The following AKAP9 variants were observed in gnomAD, a reference collection of about 807,000 sequenced individuals.
AKAP9 encodes A-kinase anchoring protein 9.
A neutral mutation model predicts 488.5 loss-of-function variants in AKAP9; 311 were observed. That is an observed-to-expected ratio of 0.64 (90% confidence interval 0.58 to 0.70). The LOEUF (loss-of-function observed/expected upper bound fraction) is 0.70. Ranked by LOEUF, AKAP9 falls within the 30% of genes least tolerant of loss-of-function variation. AKAP9 has a pLI of 0.00. For missense variants in AKAP9, 4,215 were observed against 4,374.5 expected (o/e 0.96, Z 1.03); for synonymous variants, 1,462 against 1,483.5 (o/e 0.99, Z 0.33).
At position 92,062,306 on chromosome 7, in the gene AKAP9, CT is replaced by C; in HGVS notation, c.5802del (p.Phe1934LeufsTer11). 6.2e-7 allele frequency: 1 copy of C among 1,613,624 alleles called. No individual in the cohort carries two copies. Among genetic ancestry groups the C allele is most frequent in the Non-Finnish European group, 8.5e-7 (1 of 1,179,704 alleles). ...TGATGGCTATGCAGATGAAAAAACT[CT>C]TTTTGAAAGGCAAATTCAGGAAAAA... ...VIDGYADEKT[L>X]FERQIQEKTD... is the part of the protein sequence containing the mutation. On this transcript the variant is annotated frameshift_variant, in exon 24 of 50. Transcript: ENST00000356239. LOFTEE classifies it high-confidence loss of function.
At chr7:92,004,249 C>G (rs963050813) in intron 8 of AKAP9, among the ~76,000 whole-genome samples, 1 of 152,180 alleles carries the variant, frequency 6.6e-6, no homozygotes, top group Non-Finnish European at 1.5e-5. Context: ...ATGCCTCCAG[C>G]TTTGTTCTCT....
intron 16 of AKAP9, among the ~76,000 whole-genome samples, chr7:92,035,221 G>A (rs1037232877): frequency 6.6e-6 from 1 of 152,138 alleles, no homozygotes; most frequent in African/African-American, 2.4e-5. Context: ...TGATTCATGG[G>A]TTATTTAGAA....
chr7:92,072,057 A>G (rs1343157235), intron 28 of AKAP9, among the ~76,000 whole-genome samples: 3 of 152,190 alleles, frequency 2.0e-5, no homozygotes, highest in Admixed American at 6.5e-5. Flanking sequence ...GATTTCCCTT[A>G]AACTGAGTAA....
intron 1 of AKAP9, among the ~76,000 whole-genome samples, chr7:91,958,357 C>T (rs1159514272): frequency 6.6e-6 from 1 of 152,140 alleles, no homozygotes; most frequent in African/African-American, 2.4e-5. Context: ...TTTGGGCATT[C>T]TCCTTTACAT....
At position 92,079,999 on chromosome 7, in the gene AKAP9, G is replaced by T. The variant is rs1225613723; in HGVS notation, c.7866G>T (p.Leu2622Phe). 6.4e-7 allele frequency: 1 copy of T among 1,564,544 alleles called. No homozygotes were observed. The highest frequency in any genetic ancestry group is 1.4e-5 in the African/African-American group (1 of 72,134). Residue 2622 changes from leucine to phenylalanine, a missense_variant, in exon 31 of 50, where the codon TTG (leucine) becomes TTT (phenylalanine). Transcript: ENST00000356239. ...ESQVVEMHTSLILEKEQVEIA... is the reference protein window; with the variant it reads ...ESQVVEMHTSFILEKEQVEIA... Reference sequence around the variant, plus strand: ...AGGTTGTTGAAATGCATACTAGTTTGATTTTAGAAAAAGAACAAGTAGAAA... The same window carrying T: ...AGGTTGTTGAAATGCATACTAGTTTTATTTTAGAAAAAGAACAAGTAGAAA...
intron 1 of AKAP9, among the ~76,000 whole-genome samples, chr7:91,954,448 T>G (rs1792684175): frequency 6.6e-6 from 1 of 152,062 alleles, no homozygotes. Context: ...CCATGCCCAA[T>G]TATTTTTTAT....
chr7:91,940,973 A>G lies in AKAP9; in HGVS notation c.-127A>G. On this transcript the variant is annotated 5_prime_UTR_variant, in exon 1 of 50. Transcript: ENST00000356239. Reference sequence around the variant, plus strand: ...AGACTGCTTCCACTTCGGGCGGGGGAGCGCCGGACCGAATCGGCTCTCTAG... The same window carrying G: ...AGACTGCTTCCACTTCGGGCGGGGGGGCGCCGGACCGAATCGGCTCTCTAG... 1 of 971,274 alleles carries G rather than the reference A, an allele frequency of 1.0e-6. No individual in the cohort carries two copies. Among genetic ancestry groups the G allele is most frequent in the South Asian group, 1.3e-5 (1 of 76,334 alleles). The allele number at this position is 971,274 out of a possible 1,614,324, so 60.2% of individuals were successfully genotyped here.
At chr7:92,031,003 G>C (rs1804145676) in intron 15 of AKAP9, among the ~76,000 whole-genome samples, 1 of 152,002 alleles carries the variant, frequency 6.6e-6, no homozygotes, top group Admixed American at 6.6e-5. Flanking sequence ...CATGATGATT[G>C]GTAAATAAAG....
intron 1 of AKAP9, among the ~76,000 whole-genome samples, chr7:91,957,395 A>G (rs1793149849): frequency 6.6e-6 from 1 of 152,222 alleles, no homozygotes; most frequent in African/African-American, 2.4e-5. Context: ...AGTTTAGCAT[A>G]AAAGCATCTT....
At position 92,080,512 on chromosome 7, in the gene AKAP9, GCT is replaced by G. The variant is rs1268954982; in HGVS notation, c.8019+361_8019+362del. On this transcript the variant is annotated intron_variant, in intron 31 of 49. Transcript: ENST00000356239. ...ACTCGGGAGGCTGAGGCAGGAGAAT[GCT>G]GTGAACCCGGGAGGCAGAGCTTGCA... is the stretch of plus-strand genomic sequence containing the variant. 5.9e-5 allele frequency among the ~76,000 whole-genome samples: 9 copies of G among 151,890 alleles called. No homozygotes were observed. In the East Asian group the frequency reaches 1.7e-3, roughly 29 times the overall value.
chr7:92,047,438 C>T (rs867427705), intron 21 of AKAP9, among the ~76,000 whole-genome samples: 6 of 152,082 alleles, frequency 3.9e-5, no homozygotes, highest in South Asian at 2.1e-4. Flanking sequence ...AGGCTGGTTT[C>T]GAACTCCTGA....
intron 1 of AKAP9, among the ~76,000 whole-genome samples, chr7:91,963,658 C>CA (rs1794060367): frequency 2.0e-5 from 3 of 152,122 alleles, no homozygotes; most frequent in Non-Finnish European, 2.9e-5. Context: ...GCTGGGACTA[C>CA]AGGCACCCGC....
chr7:92,072,607 T>C (rs1811898604), intron 28 of AKAP9, among the ~76,000 whole-genome samples: 1 of 152,114 alleles, frequency 6.6e-6, no homozygotes, highest in African/African-American at 2.4e-5. Context: ...TTAAGCTTAT[T>C]AGAAATTTAG....
At chr7:91,967,860 TTGAG>T (rs1294756225) in intron 1 of AKAP9, among the ~76,000 whole-genome samples, 1 of 152,184 alleles carries the variant, frequency 6.6e-6, no homozygotes, top group African/African-American at 2.4e-5. Flanking sequence ...TTTGAAGAGT[TTGAG>T]TATAATTGTT....
intron 14 of AKAP9, among the ~76,000 whole-genome samples, chr7:92,029,514 GC>G (rs1803871256): frequency 6.6e-6 from 1 of 152,162 alleles, no homozygotes; most frequent in African/African-American, 2.4e-5. Context: ...AAGCACAGTG[GC>G]TCATGCCTGT....
At chr7:92,098,235 T>C (rs748838828) in intron 43 of AKAP9, 21 bp downstream of exon 43, 4 of 1,454,828 alleles carry the variant, frequency 2.7e-6, no homozygotes, top group Non-Finnish European at 2.9e-6. Flanking sequence ...TTAAAAGTTA[T>C]TTCTGAAGCA....
chr7:92,097,635 A>G lies in AKAP9; in HGVS notation c.10448A>G (p.Gln3483Arg), dbSNP rs1302570962. The change falls in exon 42 of 50, where the codon CAA becomes CGA. Residue 3483 changes from glutamine to arginine, a missense_variant. Coordinates refer to ENST00000356239, the MANE Select transcript of AKAP9 (RefSeq NM_005751.5). Reference protein sequence around the residue: ...TSDRTRNWVLQQKIEGETKES... With the variant: ...TSDRTRNWVLRQKIEGETKES... ...GATAGAACTAGAAATTGGGTTCTTC[A>G]ACAGAAAATAGAAGGAGAAACAAAA... 6.2e-7 allele frequency: 1 copy of G among 1,614,044 alleles called. No homozygotes were observed. The highest frequency in any genetic ancestry group is 8.5e-7 in the Non-Finnish European group (1 of 1,180,032).
rs60385804 is a variant in AKAP9 at position 91,980,495 on chromosome 7, C to CTTTTTTTTTTT, written c.351+175_351+185dup. On this transcript the variant is annotated intron_variant, in intron 3 of 49. Coordinates refer to ENST00000356239, the MANE Select transcript of AKAP9 (RefSeq NM_005751.5). ...GAACCTGAGGATTATGTATTACTGA[C>CTTTTTTTTTTT]TTTTTTTTTTTTTTTTTTTTTTTCA... is the stretch of plus-strand genomic sequence containing the variant. Among the ~76,000 whole-genome samples the CTTTTTTTTTTT allele has an allele frequency of 2.3e-4, 11 of 48,768 alleles. 5 individuals carry two copies. Among genetic ancestry groups the CTTTTTTTTTTT allele is most frequent in the African/African-American group, 6.5e-4 (7 of 10,706 alleles). The allele number at this position is 48,768 out of a possible 152,430, so 32.0% of individuals were successfully genotyped here. A position where few individuals can be genotyped will look rare whatever the true frequency, so the allele number is the denominator to read the frequency against.
rs983569570 is a variant in AKAP9 at position 91,940,936 on chromosome 7, C to T, written c.-164C>T. ...TCCCGTGCGGCTGAGGACGATCCGCCAGTGAGCGCGGAGACTGCTTCCACT... is the reference window on the plus strand; with the variant it reads ...TCCCGTGCGGCTGAGGACGATCCGCTAGTGAGCGCGGAGACTGCTTCCACT... On this transcript the variant is annotated 5_prime_UTR_variant, in exon 1 of 50. It introduces an in-frame stop codon into an upstream open reading frame of the 5' UTR. Transcript: ENST00000356239. The T allele has an allele frequency of 3.7e-5, 28 of 754,616 alleles. No individual in the cohort carries two copies. Among genetic ancestry groups the T allele is most frequent in the Non-Finnish European group, 6.1e-5 (26 of 428,838 alleles). The allele number at this position is 754,616 out of a possible 1,614,324, so 46.7% of individuals were successfully genotyped here.
Sources: gnomAD v4.1 joint callset for allele counts (sites outside exome capture counted in the v4.1 genomes callset) on GRCh38, gnomAD v4.1.1 for gene constraint, MANE v1.5 for transcripts, NCBI Gene and HGNC (gene_info 2026-07-23, HGNC 2026-07-21) for gene names.